The following HMGCS2 variants were observed in gnomAD, a reference collection of about 807,000 sequenced individuals.
HMGCS2 encodes the protein hydroxymethylglutaryl-CoA synthase, mitochondrial.
A neutral mutation model predicts 57.4 loss-of-function variants in HMGCS2; 50 were observed. The ratio of observed to expected loss-of-function variants is 0.87; its 90% CI spans 0.69 to 1.10. HMGCS2 has a LOEUF of 1.10. HMGCS2 is among the 50% of genes least tolerant of loss of function. The pLI, the probability that HMGCS2 is intolerant of heterozygous loss-of-function variation, is 0.00. For missense variants in HMGCS2, 627 were observed against 636.5 expected, an observed-to-expected ratio of 0.99 and a Z score of 0.16; for synonymous variants, 254 against 245.1, an observed-to-expected ratio of 1.04 and a Z score of -0.34.
chr1:119,767,468 G>A (rs1159893019), intron 1 of HMGCS2, among the ~76,000 whole-genome samples: 2 of 152,226 alleles, frequency 1.3e-5, no homozygotes, highest in African/African-American at 2.4e-5. Flanking sequence ...GAGACAATAT[G>A]TGAGAAATAC....
intron 5 of HMGCS2, 124 bp downstream of exon 5, chr1:119,757,135 CTGGGATTGTTCCTG>C (rs770118016): frequency 6.4e-6 from 9 of 1,406,326 alleles, no homozygotes; most frequent in Non-Finnish European, 8.9e-6. Flanking sequence ...GTGGAAGGAC[CTGGGATTGTTCCTG>C]TTCTGCTGGA....
At position 119,764,541 on chromosome 1, in the gene HMGCS2, G is replaced by C; in HGVS notation, c.190C>G (p.Pro64Ala). The C allele has an allele frequency of 6.2e-7, 1 of 1,614,108 alleles. No homozygotes were observed. Among genetic ancestry groups the C allele is most frequent in the Non-Finnish European group, 8.5e-7 (1 of 1,180,014 alleles). ...VGILALEVYF[P>A]AQYVDQTDLE... ...TCAGTTTGGTCCACATATTGGGCTGGGAAGTAGACCTCCAGGGCCAGGATG... is the reference window on the plus strand; with the variant it reads ...TCAGTTTGGTCCACATATTGGGCTGCGAAGTAGACCTCCAGGGCCAGGATG... The change falls in exon 2 of 10, where the codon CCA becomes GCA. Residue 64 changes from proline (P) to alanine (A), a missense_variant. Physicochemically the swap from Pro to Ala is conservative, Grantham distance 27. Coordinates refer to ENST00000369406, the MANE Select transcript of HMGCS2 (RefSeq NM_005518.4).
Position 119,748,368 on chromosome 1 carries a change from C to A in HMGCS2, c.*479G>T, listed in dbSNP as rs141106649. On this transcript the variant is annotated 3_prime_UTR_variant, in exon 10 of 10. Transcript: ENST00000369406. The stretch of plus-strand genomic sequence containing the variant: ...GGTTTGTATTCTGGGTTCCAAGAAA[C>A]GCAGGAATCATTTCCTCTTTCTCTC... 2 of 152,314 alleles carry A rather than the reference C, an allele frequency of 1.3e-5. No homozygotes were observed. The highest frequency in any genetic ancestry group is 4.8e-5 in the African/African-American group (2 of 41,566). The allele number at this position is 152,314 out of a possible 1,614,324, so 9.4% of individuals were successfully genotyped here.
chr1:119,768,714 C>A (rs777159343), intron 1 of HMGCS2, 27 bp downstream of exon 1: 3 of 1,487,778 alleles, frequency 2.0e-6, no homozygotes, highest in Non-Finnish European at 2.8e-6. Flanking sequence ...TTACTAGTTA[C>A]AAGGTGCTTC....
intron 1 of HMGCS2, among the ~76,000 whole-genome samples, chr1:119,765,151 C>T (rs775542283): frequency 6.6e-6 from 1 of 152,176 alleles, no homozygotes; most frequent in African/African-American, 2.4e-5. Flanking sequence ...CTCTGTCACC[C>T]AAGCTGGAGT....
intron 9 of HMGCS2, among the ~76,000 whole-genome samples, chr1:119,750,391 T>C (rs1006366222): frequency 6.6e-6 from 1 of 152,248 alleles, no homozygotes. Flanking sequence ...GTCAAGCTTC[T>C]AGGAGAGCTT....
intron 5 of HMGCS2, 95 bp downstream of exon 5, chr1:119,757,178 C>A: frequency 6.2e-7 from 1 of 1,602,284 alleles, no homozygotes; most frequent in Non-Finnish European, 8.5e-7. Flanking sequence ...ATTTGTCCCC[C>A]ACAGGGGTGC....
intron 1 of HMGCS2, among the ~76,000 whole-genome samples, chr1:119,768,439 G>T (rs1272287235): frequency 6.6e-6 from 1 of 152,228 alleles, no homozygotes; most frequent in Non-Finnish European, 1.5e-5. Context: ...TGGTGGTGTA[G>T]AGAGGAAAGC....
In HMGCS2 at chr1:119,748,609, C is replaced by G. The variant is rs753304242; in HGVS notation, c.*238G>C. 2 of 147,040 alleles carry G rather than the reference C, an allele frequency of 1.4e-5. No individual in the cohort carries two copies. Among genetic ancestry groups the G allele is most frequent in the Admixed American group, 6.7e-5 (1 of 14,864 alleles). 9.1% of individuals were successfully genotyped at this position (147,040 alleles called of 1,614,324 possible). On this transcript the variant is annotated 3_prime_UTR_variant, in exon 10 of 10. Coordinates refer to ENST00000369406, the MANE Select transcript of HMGCS2 (RefSeq NM_005518.4). ...TCTCCATTGCTCCATCTTGCTCTTT[C>G]ACAAAGGACCCCTAGTCCATAGCAC...
intron 2 of HMGCS2, among the ~76,000 whole-genome samples, chr1:119,762,695 C>G (rs1653089093): frequency 6.6e-6 from 1 of 152,186 alleles, no homozygotes; most frequent in Admixed American, 6.5e-5. Context: ...GTCCGAGTGT[C>G]CAGGCTCAAG....
In HMGCS2 at chr1:119,753,344, G is replaced by T; in HGVS notation, c.1230C>A (p.Phe410Leu). ...QELAGSRIGAFSYGSGLAASF... is the reference protein window; with the variant it reads ...QELAGSRIGALSYGSGLAASF... The stretch of plus-strand genomic sequence containing the variant: ...TTGCTGCTAAACCAGAGCCATAAGA[G>T]AAGGCACCAATCCTGGAGCCAGCCA... The change falls in exon 7 of 10, where the codon TTC becomes TTA. Residue 410 changes from phenylalanine (F) to leucine (L), a missense_variant. By Grantham distance (22) the Phe-to-Leu change is conservative (BLOSUM62 0). Coordinates refer to ENST00000369406, the MANE Select transcript of HMGCS2 (RefSeq NM_005518.4). 1.2e-6 allele frequency: 2 copies of T among 1,613,678 alleles called. No individual in the cohort carries two copies. The highest frequency in any genetic ancestry group is 1.7e-6 in the Non-Finnish European group (2 of 1,179,866).
rs918096303 is a variant in HMGCS2, at chr1:119,764,086, C to T, written c.559+86G>A. Reference sequence around the variant, plus strand: ...TTGTCCTTCCTTCACTAGATGAAGCCACCTGGGGAACTGAAAAGCAAAACT... The same window carrying T: ...TTGTCCTTCCTTCACTAGATGAAGCTACCTGGGGAACTGAAAAGCAAAACT... On this transcript the variant is annotated intron_variant, in intron 2 of 9. Transcript: ENST00000369406. 12 of 1,154,848 alleles carry T rather than the reference C, an allele frequency of 1.0e-5. No individual in the cohort carries two copies. In the African/African-American group the frequency reaches 1.5e-4, roughly 15 times the overall value. 71.5% of individuals were successfully genotyped at this position (1,154,848 alleles called of 1,614,324 possible). A position where few individuals can be genotyped will look rare whatever the true frequency, so the allele number is the denominator to read the frequency against.
intron 2 of HMGCS2, 117 bp downstream of exon 2, chr1:119,764,054 GA>G: frequency 1.3e-6 from 1 of 788,608 alleles, no homozygotes; most frequent in Non-Finnish European, 2.2e-6. Context: ...GCAGCTGTGT[GA>G]ATATATTGTC....
At chr1:119,766,652 C>T (rs1173309854) in intron 1 of HMGCS2, among the ~76,000 whole-genome samples, 8 of 152,218 alleles carry the variant, frequency 5.3e-5, no homozygotes, top group African/African-American at 1.7e-4. Context: ...CCCCAGTACC[C>T]GGGAGCTAAT....
intron 7 of HMGCS2, 73 bp downstream of exon 7, chr1:119,753,207 A>C: frequency 1.1e-6 from 1 of 891,440 alleles, no homozygotes; most frequent in South Asian, 1.4e-5. Flanking sequence ...AGCCTCAGTA[A>C]TGGTGGGGAA....
intron 9 of HMGCS2, among the ~76,000 whole-genome samples, chr1:119,750,164 G>A (rs781085057): frequency 7.2e-5 from 11 of 152,182 alleles, no homozygotes; most frequent in Non-Finnish European, 1.5e-4. Context: ...ACTCCCTCCA[G>A]CAGAAGTATC....
chr1:119,765,438 C>G (rs1653195830), intron 1 of HMGCS2, among the ~76,000 whole-genome samples: 1 of 152,118 alleles, frequency 6.6e-6, no homozygotes, highest in South Asian at 2.1e-4. Context: ...CTCATTTGTT[C>G]TTTGTTCTTT....
At chr1:119,754,079 CAG>C (rs1652756587) in intron 6 of HMGCS2, among the ~76,000 whole-genome samples, 1 of 144,770 alleles carries the variant, frequency 6.9e-6, no homozygotes, top group Non-Finnish European at 1.5e-5. Context: ...TTTTTTGAGA[CAG>C]AGTCTCACTC....
chr1:119,763,593 C>T (rs72695180), intron 2 of HMGCS2, among the ~76,000 whole-genome samples: 1 of 152,102 alleles, frequency 6.6e-6, no homozygotes, highest in Non-Finnish European at 1.5e-5. Flanking sequence ...GGTTAGTCCT[C>T]AAATATAGCA....
Sources: allele counts gnomAD v4.1 joint callset (sites outside exome capture counted in the v4.1 genomes callset), GRCh38; gene constraint gnomAD v4.1.1; transcripts MANE v1.5; gene names NCBI Gene and HGNC (gene_info 2026-07-23, HGNC 2026-07-21).